The following NAF1 variants were observed in gnomAD, a reference collection of about 807,000 sequenced individuals.
The protein encoded by NAF1 is H/ACA ribonucleoprotein complex non-core subunit NAF1.
A neutral mutation model predicts 40.6 loss-of-function variants in NAF1; 11 were observed. The ratio of observed to expected loss-of-function variants is 0.27; its 90% CI spans 0.17 to 0.45. The LOEUF (loss-of-function observed/expected upper bound fraction) is 0.45, where lower values mean the gene tolerates loss of function less well. Ranked by LOEUF, NAF1 falls within the 20% of genes least tolerant of loss-of-function variation. The pLI is 1.00. For synonymous variants in NAF1, 260 were observed against 228.5 expected (o/e 1.14, Z -1.24); for missense variants, 607 against 611.1 (o/e 0.99, Z 0.07).
At chr4:163,135,394 TA>T (rs1385892679) in intron 6 of NAF1, 1 of 152,244 alleles carries the variant, frequency 6.6e-6, no homozygotes, top group African/African-American at 2.4e-5. Context: ...AGGTGAGATG[TA>T]ATTTTGCAAT....
At chr4:163,149,467 G>A (rs1377958360) in intron 2 of NAF1, among the ~76,000 whole-genome samples, 1 of 152,142 alleles carries the variant, frequency 6.6e-6, no homozygotes, top group Admixed American at 6.5e-5. Context: ...TTGATAAGCA[G>A]ACATCTAAAA....
intron 2 of NAF1, among the ~76,000 whole-genome samples, chr4:163,151,213 A>T (rs1247153280): frequency 2.0e-5 from 3 of 151,802 alleles, no homozygotes. Context: ...GAAACTAAAC[A>T]ATTTCAGTCA....
Position 163,166,446 on chromosome 4 carries a change from G to C in NAF1, c.282C>G (p.Asp94Glu). Residue 94 changes from aspartate (D) to glutamate (E), a missense_variant, in exon 1 of 8, where the codon GAC becomes GAG. By Grantham distance (45) the Asp-to-Glu change is conservative. Around this residue, in one of 3 missense-constraint regions of NAF1, gnomAD observed 407 missense variants for 365.5 expected, o/e 1.11. Coordinates refer to ENST00000274054, the MANE Select transcript of NAF1 (RefSeq NM_138386.3). ...QPPAESPACG[D>E]CVTSPGAAEP... ...CTGCGGCTCCTGGGGAGGTGACGCAGTCTCCGCAGGCCGGCGATTCAGCCG... is the reference window on the plus strand; with the variant it reads ...CTGCGGCTCCTGGGGAGGTGACGCACTCTCCGCAGGCCGGCGATTCAGCCG... The C allele has an allele frequency of 6.2e-7, 1 of 1,606,540 alleles. No individual in the cohort carries two copies. The highest frequency in any genetic ancestry group is 8.5e-7 in the Non-Finnish European group (1 of 1,176,604).
At chr4:163,127,713 T>C (rs117179758), downstream of NAF1, among the ~76,000 whole-genome samples, 58 of 152,296 alleles carry the variant, frequency 3.8e-4, no homozygotes, top group East Asian at 8.7e-3. Flanking sequence ...TCTCAACTTG[T>C]GTACTAGGAA....
At chr4:163,136,574 C>T (rs1257711604) in intron 6 of NAF1, among the ~76,000 whole-genome samples, 1 of 151,266 alleles carries the variant, frequency 6.6e-6, no homozygotes, top group African/African-American at 2.4e-5. Context: ...ACCAAGTAAT[C>T]CTATTAAATC....
chr4:163,162,646 T>C (rs1217390782), intron 2 of NAF1, among the ~76,000 whole-genome samples: 1 of 152,232 alleles, frequency 6.6e-6, no homozygotes, highest in Non-Finnish European at 1.5e-5. Flanking sequence ...TTAGACACTA[T>C]GAGAGCAGAA....
chr4:163,107,272 C>G (rs1352200325), downstream of NAF1, among the ~76,000 whole-genome samples: 1 of 152,224 alleles, frequency 6.6e-6, no homozygotes, highest in East Asian at 1.9e-4. Flanking sequence ...CAGGCATGAG[C>G]CACTGTGCCT....
intron 2 of NAF1, among the ~76,000 whole-genome samples, chr4:163,154,133 C>T (rs192988758): frequency 6.6e-6 from 1 of 152,064 alleles, no homozygotes; most frequent in Non-Finnish European, 1.5e-5. Context: ...GACGCACCAC[C>T]TTAAGAGCTG....
chr4:163,111,201 G>C (rs1006461412), intron 2 of NAF1, among the ~76,000 whole-genome samples: 1 of 152,086 alleles, frequency 6.6e-6, no homozygotes, highest in Admixed American at 6.6e-5. Context: ...AAAAATAGGT[G>C]AATATGAGTC....
intron 2 of NAF1, among the ~76,000 whole-genome samples, chr4:163,111,784 A>C (rs1730167292): frequency 6.6e-6 from 1 of 152,306 alleles, no homozygotes; most frequent in Non-Finnish European, 1.5e-5. Flanking sequence ...CGAATTGTGC[A>C]CTAGGTGGCC....
intron 2 of NAF1, among the ~76,000 whole-genome samples, chr4:163,152,772 C>A (rs1305623561): frequency 6.6e-6 from 1 of 152,264 alleles, no homozygotes; most frequent in African/African-American, 2.4e-5. Context: ...CAGCCCACCG[C>A]TGCACTGTGG....
intron 4 of NAF1, among the ~76,000 whole-genome samples, chr4:163,140,965 G>C (rs1338577219): frequency 6.6e-6 from 1 of 152,172 alleles, no homozygotes; most frequent in African/African-American, 2.4e-5. Context: ...TAAAAGAACT[G>C]CTTTTAGCAG....
chr4:163,145,040 G>A (rs763624641), intron 4 of NAF1, among the ~76,000 whole-genome samples: 46 of 151,934 alleles, frequency 3.0e-4, no homozygotes, highest in Non-Finnish European at 6.0e-4. Context: ...GATACAATGG[G>A]GAATATCAAG....
At chr4:163,128,606 CTATATA>C (rs61471175), downstream of NAF1, 2 of 324,390 alleles carry the variant, frequency 6.2e-6, no homozygotes, top group Non-Finnish European at 4.3e-6. Flanking sequence ...ATATCCATTA[CTATATA>C]TATATATATA....
intron 5 of NAF1, among the ~76,000 whole-genome samples, chr4:163,138,858 T>A (rs1731153286): frequency 6.6e-6 from 1 of 152,154 alleles, no homozygotes; most frequent in African/African-American, 2.4e-5. Context: ...ATATGGCATA[T>A]CCACAGCAGT....
At position 163,117,796 on chromosome 4, in the gene NAF1, G is replaced by T. The variant is rs554366133; in HGVS notation, c.115-7506C>A. The stretch of plus-strand genomic sequence containing the variant: ...GTATGTTTATGGATAGAACAGCATG[G>T]ATACACTCTTACTGAATGATCATAT... On this transcript the variant is annotated intron_variant, in intron 2 of 2. Coordinates refer to the NAF1 transcript ENST00000509434. Among the ~76,000 whole-genome samples, 4 of 151,450 alleles carry T rather than the reference G, an allele frequency of 2.6e-5. No individual in the cohort carries two copies. In the South Asian group the frequency reaches 8.3e-4, roughly 32 times the overall value.
intron 6 of NAF1, 153 bp from the exon 7 acceptor site, chr4:163,133,409 G>T: frequency 1.8e-6 from 1 of 560,854 alleles, no homozygotes; most frequent in African/African-American, 1.9e-5. Flanking sequence ...ATCTGAATTA[G>T]ACATGGTATA....
intron 2 of NAF1, among the ~76,000 whole-genome samples, chr4:163,152,834 A>G (rs1401059978): frequency 2.0e-5 from 3 of 152,138 alleles, no homozygotes; most frequent in Non-Finnish European, 2.9e-5. Flanking sequence ...CAGCTTGCAG[A>G]GAGGTGTGGA....
At chr4:163,132,106 G>A (rs1021440326) in intron 7 of NAF1, among the ~76,000 whole-genome samples, 5 of 152,102 alleles carry the variant, frequency 3.3e-5, no homozygotes, top group African/African-American at 9.7e-5. Context: ...CTCATACATC[G>A]CTGATAAAAA....
Sources: gnomAD v4.1 joint callset for allele counts (sites outside exome capture counted in the v4.1 genomes callset) on GRCh38, gnomAD v4.1.1 for gene constraint, gnomAD v4.1.1 regional missense constraint, MANE v1.5 for transcripts, NCBI Gene and HGNC (gene_info 2026-07-23, HGNC 2026-07-21) for gene names.